Variants in SSBP3 observed in about 807,000 individuals in gnomAD.
The protein encoded by SSBP3 is single stranded DNA binding protein 3, also known as single-stranded DNA-binding protein 3.
A neutral mutation model predicts 69.6 loss-of-function variants in SSBP3; 5 were observed. The observed-to-expected ratio is 0.07, with a 90% CI of 0.04 to 0.15. SSBP3 has a LOEUF of 0.15. SSBP3 is among the 10% of genes least tolerant of loss of function. The pLI is 1.00. For missense variants in SSBP3, 312 were observed against 534.0 expected (o/e 0.58, Z 4.10); for synonymous variants, 196 against 193.4 (o/e 1.01, Z -0.11).
At chr1:54,257,287 T>C (rs915632333) in intron 6 of SSBP3, 101 bp from the exon 7 acceptor site, 2 of 1,072,836 alleles carry the variant, frequency 1.9e-6, no homozygotes, top group Middle Eastern at 2.1e-4. Flanking sequence ...TTATAACTAG[T>C]GATCTTTTAA....
chr1:54,406,302 C>T (rs995702861), exon 1 of SSBP3: 17 of 234,470 alleles, frequency 7.3e-5, no homozygotes, highest in Non-Finnish European at 1.2e-4. Context: ...CGCCCGCTCT[C>T]CGCTCGCTCG....
At chr1:54,245,060 G>A (rs1313701127) in intron 9 of SSBP3, among the ~76,000 whole-genome samples, 1 of 152,194 alleles carries the variant, frequency 6.6e-6, no homozygotes, top group Admixed American at 6.5e-5. Context: ...AGCAATCAAT[G>A]AAAGACCGAA....
chr1:54,408,450 A>T (rs1649908988), upstream of SSBP3, among the ~76,000 whole-genome samples: 1 of 152,160 alleles, frequency 6.6e-6, no homozygotes, highest in Non-Finnish European at 1.5e-5. Flanking sequence ...TTGTCAACAG[A>T]CTGACTCACA....
chr1:54,359,386 G>A (rs962861441), intron 4 of SSBP3, among the ~76,000 whole-genome samples: 1 of 152,112 alleles, frequency 6.6e-6, no homozygotes, highest in African/African-American at 2.4e-5. Flanking sequence ...CCAGGGCCAG[G>A]GAGACTCTCA....
At chr1:54,288,440 A>G (rs1467991554) in intron 4 of SSBP3, among the ~76,000 whole-genome samples, 2 of 152,214 alleles carry the variant, frequency 1.3e-5, no homozygotes, top group Non-Finnish European at 2.9e-5. Flanking sequence ...GGGCCAGGCC[A>G]TCAGACCCAA....
At position 54,239,256 on chromosome 1, in the gene SSBP3, C is replaced by G. The variant is rs1644560953; in HGVS notation, c.857-57G>C. 1.2e-5 allele frequency: 17 copies of G among 1,398,022 alleles called. No individual in the cohort carries two copies. The South Asian group carries it at 2.2e-4, about 18-fold the overall frequency. The allele number at this position is 1,398,022 out of a possible 1,614,324, so 86.6% of individuals were successfully genotyped here. On this transcript the variant is annotated intron_variant, in intron 13 of 17. Coordinates refer to ENST00000610401, the Ensembl canonical transcript of SSBP3. Reference sequence around the variant, plus strand: ...TGATTAATTCGTTTCTTAATTAAAACAAACTCATGGCACTGGAACTCATTC... The same window carrying G: ...TGATTAATTCGTTTCTTAATTAAAAGAAACTCATGGCACTGGAACTCATTC...
At chr1:54,336,159 G>T (rs1310131628) in intron 4 of SSBP3, among the ~76,000 whole-genome samples, 1 of 152,174 alleles carries the variant, frequency 6.6e-6, no homozygotes, top group Admixed American at 6.5e-5. Flanking sequence ...ACCTCTGATG[G>T]GCATAACTTC....
rs1472564716 is a variant in SSBP3, at chr1:54,258,004, T to C, written c.447+65A>G. On this transcript the variant is annotated intron_variant, in intron 6 of 17. Coordinates refer to ENST00000610401, the Ensembl canonical transcript of SSBP3. This position sits in a 1 kb window ranked among gnomAD's most constrained non-coding sequence, Gnocchi z 4.5. Reference sequence around the variant, plus strand: ...CACATTTTGATTTTTGTTTTTCCTCTGCGGGCTCTCTGCTTCCTCCGCGCC... The same window carrying C: ...CACATTTTGATTTTTGTTTTTCCTCCGCGGGCTCTCTGCTTCCTCCGCGCC... The C allele has an allele frequency of 2.4e-5, 36 of 1,479,752 alleles. No individual in the cohort carries two copies. In the East Asian group the frequency reaches 5.9e-4, roughly 24 times the overall value. 91.7% of individuals were successfully genotyped at this position (1,479,752 alleles called of 1,614,324 possible). A position where few individuals can be genotyped will look rare whatever the true frequency, so the allele number is the denominator to read the frequency against.
chr1:54,299,502 CT>C (rs35333516), intron 4 of SSBP3, among the ~76,000 whole-genome samples: 64,342 of 145,672 alleles, frequency 0.44, 14,751 homozygotes, highest in East Asian at 0.8. Context: ...ATAGAGGTGG[CT>C]TTTTTTTTTT....
intron 5 of SSBP3, among the ~76,000 whole-genome samples, chr1:54,278,982 C>T (rs1645341345): frequency 6.6e-6 from 1 of 152,198 alleles, no homozygotes; most frequent in Non-Finnish European, 1.5e-5. Flanking sequence ...AGAGAGATAC[C>T]CTTTCCCCTT....
chr1:54,412,273 G>A (rs574490616), intron 1 of SSBP3, among the ~76,000 whole-genome samples: 1 of 152,212 alleles, frequency 6.6e-6, no homozygotes, highest in Admixed American at 6.5e-5. Flanking sequence ...AGATTGCAGT[G>A]AGCCGAGATC....
chr1:54,245,667 C>T (rs1168770688), intron 9 of SSBP3, among the ~76,000 whole-genome samples: 2 of 152,210 alleles, frequency 1.3e-5, no homozygotes, highest in Non-Finnish European at 2.9e-5. Flanking sequence ...CCAGAGAAGG[C>T]AGGCCCCGCC....
chr1:54,234,550 C>A (rs531467751), intron 14 of SSBP3, among the ~76,000 whole-genome samples: 44 of 152,142 alleles, frequency 2.9e-4, no homozygotes, highest in Middle Eastern at 3.4e-3. Context: ...GACTGTGACA[C>A]TGCCCTCTAG....
chr1:54,227,416 C>T (rs996824538), intron 17 of SSBP3, among the ~76,000 whole-genome samples: 2 of 152,138 alleles, frequency 1.3e-5, no homozygotes, highest in Non-Finnish European at 2.9e-5. Context: ...CAGCTGACGG[C>T]GCCTCCCCTG....
At chr1:54,383,006 AG>A (rs1411134132) in intron 4 of SSBP3, among the ~76,000 whole-genome samples, 3 of 141,560 alleles carry the variant, frequency 2.1e-5, no homozygotes, top group African/African-American at 5.3e-5. Context: ...AAAAAAGAAG[AG>A]AGAGAGAGAA....
At chr1:54,299,921 A>G (rs76141685) in intron 4 of SSBP3, among the ~76,000 whole-genome samples, 3,404 of 152,270 alleles carry the variant, frequency 0.022, 134 homozygotes, top group African/African-American at 0.077. Flanking sequence ...CTCCACCGAC[A>G]TAATTCCTCC....
intron 11 of SSBP3, 69 bp downstream of exon 11, chr1:54,242,095 G>T: frequency 1.9e-6 from 3 of 1,566,532 alleles, no homozygotes; most frequent in East Asian, 4.5e-5. Flanking sequence ...TACACCCAGG[G>T]ACAGTAGCTC....
chr1:54,243,196 C>G, intron 10 of SSBP3, 39 bp downstream of exon 10: 1 of 1,601,438 alleles, frequency 6.2e-7, no homozygotes, highest in Non-Finnish European at 8.6e-7. Flanking sequence ...GGGGGAAGAC[C>G]TGGACTCTGA....
chr1:54,302,803 A>G (rs748597472), intron 4 of SSBP3, among the ~76,000 whole-genome samples: 37 of 152,208 alleles, frequency 2.4e-4, no homozygotes, highest in Non-Finnish European at 4.3e-4. Context: ...CTGCTCATTT[A>G]TGACAGGAGG....
Sources: gnomAD v4.1 joint callset for allele counts (sites outside exome capture counted in the v4.1 genomes callset) on GRCh38, gnomAD v4.1.1 for gene constraint, Gnocchi (gnomAD v3.1) non-coding constraint, MANE v1.5 for transcripts, NCBI Gene and HGNC (gene_info 2026-07-23, HGNC 2026-07-21) for gene names.